The following BPNT2 variants were observed in gnomAD, a reference collection of about 807,000 sequenced individuals.
BPNT2 encodes Golgi-resident adenosine 3',5'-bisphosphate 3'-phosphatase.
Under a neutral mutation model 29.3 loss-of-function variants are expected in BPNT2, and 11 were observed. The ratio of observed to expected loss-of-function variants is 0.38; its 90% confidence interval spans 0.24 to 0.62. The LOEUF (loss-of-function observed/expected upper bound fraction) is 0.62. BPNT2 is among the 20% of genes least tolerant of loss of function. BPNT2 has a pLI of 0.62. For synonymous variants in BPNT2, 195 were observed against 187.7 expected (o/e 1.04, Z -0.32); for missense variants, 459 against 473.4 (o/e 0.97, Z 0.28).
At chr8:56,976,406 CCTAA>C (rs1806136598) in intron 3 of BPNT2, among the ~76,000 whole-genome samples, 1 of 152,104 alleles carries the variant, frequency 6.6e-6, no homozygotes, top group Non-Finnish European at 1.5e-5. Flanking sequence ...TAGTGTGTAT[CCTAA>C]CTAATTCAGT....
chr8:56,989,516 G>A (rs900200653), intron 1 of BPNT2, among the ~76,000 whole-genome samples: 2 of 152,134 alleles, frequency 1.3e-5, no homozygotes, highest in Non-Finnish European at 1.5e-5. Flanking sequence ...TCATTAAGAA[G>A]TTTAATTCAA....
chr8:56,985,962 T>C (rs866480836), intron 1 of BPNT2, among the ~76,000 whole-genome samples: 1 of 152,160 alleles, frequency 6.6e-6, no homozygotes, highest in African/African-American at 2.4e-5. Context: ...TCCAATCTCT[T>C]CTCTTTCCCT....
chr8:56,962,068 A>T lies in BPNT2; in HGVS notation c.*1725T>A, dbSNP rs1805847459. ...GTTTCTTCAGCTTATTGCAAAGGAA[A>T]AAAATGAGGTCTCTGATACTCTTTT... On this transcript the variant is annotated 3_prime_UTR_variant, in exon 5 of 5. Transcript: ENST00000262644. The T allele has an allele frequency of 6.6e-6, 1 of 152,212 alleles. No individual in the cohort carries two copies. The highest frequency in any genetic ancestry group is 2.4e-5 in the African/African-American group (1 of 41,460). The allele number at this position is 152,212 out of a possible 1,614,324, so 9.4% of individuals were successfully genotyped here.
chr8:56,967,096 G>A (rs13278878), intron 3 of BPNT2: 37,484 of 454,948 alleles, frequency 0.082, 2,205 homozygotes, highest in East Asian at 0.27. Flanking sequence ...AACTATACAA[G>A]AGAACAAACT....
At chr8:56,971,721 C>T (rs1388278580) in intron 3 of BPNT2, among the ~76,000 whole-genome samples, 1 of 142,728 alleles carries the variant, frequency 7.0e-6, no homozygotes, top group Non-Finnish European at 1.5e-5. Context: ...GAAATGTAAA[C>T]AAATGTAAAA....
chr8:56,979,273 C>A lies in BPNT2; in HGVS notation c.550+762G>T, dbSNP rs537927687. Among the ~76,000 whole-genome samples, 83 of 152,142 alleles carry A rather than the reference C, an allele frequency of 5.5e-4. No homozygotes were observed. The Middle Eastern group carries it at 0.024, about 44-fold the overall frequency. ...TAAATTAACTTTTAATAAAAAAAATCAAATTAGATGCTTAAGAAAGTCCCT... is the reference window on the plus strand; with the variant it reads ...TAAATTAACTTTTAATAAAAAAAATAAAATTAGATGCTTAAGAAAGTCCCT... On this transcript the variant is annotated intron_variant, in intron 2 of 4. Coordinates refer to ENST00000262644, the MANE Select transcript of BPNT2 (RefSeq NM_017813.5).
intron 2 of BPNT2, 40 bp from the exon 3 acceptor site, chr8:56,978,185 A>C: frequency 8.3e-7 from 1 of 1,200,428 alleles, no homozygotes; most frequent in Non-Finnish European, 1.2e-6. Context: ...CAAATGTCAA[A>C]GTAATGTGCA....
chr8:56,968,535 T>C (rs956607620), intron 3 of BPNT2, among the ~76,000 whole-genome samples: 2 of 152,176 alleles, frequency 1.3e-5, no homozygotes, highest in African/African-American at 2.4e-5. Flanking sequence ...CTGGGCTCAG[T>C]GGCTTGTGCC....
At chr8:56,966,163 C>G in intron 4 of BPNT2, 28 bp downstream of exon 4, 2 of 1,613,076 alleles carry the variant, frequency 1.2e-6, no homozygotes, top group Non-Finnish European at 1.7e-6. Context: ...GAACATTCTC[C>G]AGGGACCACA....
At position 56,993,281 on chromosome 8, in the gene BPNT2, G is replaced by C. The variant is rs112318196; in HGVS notation, c.305C>G (p.Ala102Gly). The change falls in exon 1 of 5, where the codon GCC (alanine) becomes GGC (glycine). Residue 102 changes from alanine (A) to glycine (G), a missense_variant. Transcript: ENST00000262644. ...GTCGCCGCTGGTCATCTTGTCCTCG[G>C]CTCCCTCGCGCGTCTTCCCCTTGGA... ...EKSKGKTREG[A>G]EDKMTSGDVL... The C allele has an allele frequency of 6.2e-7, 1 of 1,611,308 alleles. No individual in the cohort carries two copies. The highest frequency in any genetic ancestry group is 1.3e-5 in the African/African-American group (1 of 74,908).
intron 3 of BPNT2, among the ~76,000 whole-genome samples, chr8:56,974,466 C>T (rs1034293021): frequency 1.3e-5 from 2 of 152,104 alleles, no homozygotes; most frequent in African/African-American, 4.8e-5. Flanking sequence ...ATATCTAGTT[C>T]CCACTATAGT....
intron 4 of BPNT2, chr8:56,964,340 T>A (rs13277865): frequency 7.1e-6 from 2 of 283,234 alleles, no homozygotes; most frequent in East Asian, 2.0e-4. Flanking sequence ...GCTCTGTCAC[T>A]CAGGCTGGAG....
At chr8:56,982,343 G>T (rs996530125) in intron 1 of BPNT2, among the ~76,000 whole-genome samples, 21 of 152,168 alleles carry the variant, frequency 1.4e-4, no homozygotes, top group African/African-American at 4.6e-4. Context: ...GGATGGTCTC[G>T]ATCTCCTGAC....
intron 3 of BPNT2, among the ~76,000 whole-genome samples, chr8:56,977,451 A>G (rs890396401): frequency 6.6e-6 from 1 of 152,148 alleles, no homozygotes; most frequent in African/African-American, 2.4e-5. Context: ...TTTCTTATAA[A>G]AACACTCTAA....
rs775133001 is a variant in BPNT2 at position 56,962,129 on chromosome 8, C to T, written c.*1664G>A. On this transcript the variant is annotated 3_prime_UTR_variant, in exon 5 of 5. Transcript: ENST00000262644. The stretch of plus-strand genomic sequence containing the variant: ...AAGTCCTATTTAAATATCAAGTGTT[C>T]CACCTACCAAAACTTTGAATGAATT... 1 of 152,152 alleles carries T rather than the reference C, an allele frequency of 6.6e-6. No homozygotes were observed. Among genetic ancestry groups the T allele is most frequent in the Non-Finnish European group, 1.5e-5 (1 of 68,032 alleles). The allele number at this position is 152,152 out of a possible 1,614,324, so 9.4% of individuals were successfully genotyped here. A position where few individuals can be genotyped will look rare whatever the true frequency, so the allele number is the denominator to read the frequency against.
At chr8:56,989,112 T>C (rs1234578287) in intron 1 of BPNT2, among the ~76,000 whole-genome samples, 1 of 152,180 alleles carries the variant, frequency 6.6e-6, no homozygotes, top group African/African-American at 2.4e-5. Flanking sequence ...CTATACCGCC[T>C]TATATAGAGA....
Position 56,980,819 on chromosome 8 carries a change from T to TACACACAC in BPNT2, c.388-630_388-623dup, listed in dbSNP as rs71258552. Among the ~76,000 whole-genome samples the TACACACAC allele has an allele frequency of 7.0e-3, 984 of 141,474 alleles. 6 individuals carry two copies. Among genetic ancestry groups the TACACACAC allele is most frequent in the East Asian group, 0.016 (78 of 4,830 alleles). The allele number at this position is 141,474 out of a possible 152,430, so 92.8% of individuals were successfully genotyped here. On this transcript the variant is annotated intron_variant, in intron 1 of 4. Coordinates refer to ENST00000262644, the MANE Select transcript of BPNT2 (RefSeq NM_017813.5). ...CCCCACACCCTTACATACATACATA[T>TACACACAC]ACACACACACACACACACACACACA...
chr8:56,971,790 C>CA (rs1013139530), intron 3 of BPNT2, among the ~76,000 whole-genome samples: 24 of 145,858 alleles, frequency 1.6e-4, no homozygotes, highest in African/African-American at 5.1e-4. Context: ...CCACCCCCCC[C>CA]CCCACAATGC....
chr8:56,969,295 A>G (rs1805996228), intron 3 of BPNT2, among the ~76,000 whole-genome samples: 4 of 152,212 alleles, frequency 2.6e-5, no homozygotes. Context: ...AAGACTATAG[A>G]CAAAGTTGTT....
Sources: gnomAD v4.1 joint callset for allele counts (sites outside exome capture counted in the v4.1 genomes callset) on GRCh38, gnomAD v4.1.1 for gene constraint, MANE v1.5 for transcripts, NCBI Gene and HGNC (gene_info 2026-07-23, HGNC 2026-07-21) for gene names.